PDE4D: variants seen among roughly 807,000 people sequenced by gnomAD.
PDE4D encodes the protein 3',5'-cyclic-AMP phosphodiesterase 4D.
In PDE4D, 24 loss-of-function variants were observed where a neutral mutation model predicts 87.4. That is an observed-to-expected ratio of 0.27 (90% CI 0.20 to 0.39). PDE4D has a LOEUF of 0.39. Among genes scored for constraint, PDE4D ranks in the 10% least tolerant of loss-of-function variants. PDE4D has a pLI of 1.00. For missense variants in PDE4D, 714 were observed against 1,041.0 expected, an observed-to-expected ratio of 0.69 and a Z score of 4.32; for synonymous variants, 384 against 383.2, an observed-to-expected ratio of 1.00 and a Z score of -0.02.
chr5:59,364,815 T>A (rs1342000819), intron 1 of PDE4D, among the ~76,000 whole-genome samples: 1 of 152,140 alleles, frequency 6.6e-6, no homozygotes, highest in Non-Finnish European at 1.5e-5. Context: ...CCTTTTTTTC[T>A]TCCTCCCTCT....
chr5:59,776,861 G>GA lies in PDE4D; in HGVS notation c.455+116306dup, dbSNP rs35590071. Among the ~76,000 whole-genome samples the GA allele has an allele frequency of 7.8e-4, 109 of 139,400 alleles. 1 individual carries two copies. Among genetic ancestry groups the GA allele is most frequent in the South Asian group, 1.8e-3 (8 of 4,364 alleles). The allele number at this position is 139,400 out of a possible 152,430, so 91.5% of individuals were successfully genotyped here. On this transcript the variant is annotated intron_variant, in intron 1 of 14. Coordinates refer to ENST00000340635, the MANE Select transcript of PDE4D (RefSeq NM_001104631.2). ...TGCCTAATTTTAATGAATGTTTCAC[G>GA]AAAAAAAAAAAAGCATTTTGTGATT...
intron 5 of PDE4D, among the ~76,000 whole-genome samples, chr5:59,180,157 T>C (rs1456854058): frequency 6.6e-6 from 1 of 152,200 alleles, no homozygotes; most frequent in Non-Finnish European, 1.5e-5. Context: ...TGGTACAATG[T>C]TGCTTCCTAC....
chr5:59,978,515 C>G lies in PDE4D; in HGVS notation c.272+9973G>C, dbSNP rs183529299. Reference sequence around the variant, plus strand: ...AACTTGAAAGAATGAGGAGTTGTTTCTTGGATGAAGCAAAGAAAATGGTTT... The same window carrying G: ...AACTTGAAAGAATGAGGAGTTGTTTGTTGGATGAAGCAAAGAAAATGGTTT... On this transcript the variant is annotated intron_variant, in intron 3 of 16. Coordinates refer to the PDE4D transcript ENST00000502484. 4.1e-3 allele frequency among the ~76,000 whole-genome samples: 619 copies of G among 152,282 alleles called. 4 individuals carry two copies. The highest frequency in any genetic ancestry group is 0.014 in the African/African-American group (600 of 41,556).
rs1294460587 is a variant in PDE4D, at chr5:59,274,590, AC to A, written c.456-58623del. Among the ~76,000 whole-genome samples, 9 of 152,206 alleles carry A rather than the reference AC, an allele frequency of 5.9e-5. No homozygotes were observed. In the East Asian group the frequency reaches 1.5e-3, roughly 26 times the overall value. On this transcript the variant is annotated intron_variant, in intron 1 of 14. Transcript: ENST00000340635. ...CACTAAGAAAAACAAAATAAGACTA[AC>A]CCCTAAAATAGCCATAAAAGTATTT...
chr5:59,528,159 C>T (rs562745001), intron 1 of PDE4D, among the ~76,000 whole-genome samples: 1 of 152,254 alleles, frequency 6.6e-6, no homozygotes, highest in East Asian at 1.9e-4. Context: ...ATAGTGCATA[C>T]ATGTGTGCCA....
intron 1 of PDE4D, among the ~76,000 whole-genome samples, chr5:59,723,969 CA>C (rs1299133139): frequency 6.6e-6 from 1 of 152,090 alleles, no homozygotes; most frequent in Non-Finnish European, 1.5e-5. Flanking sequence ...CTCCTTCCCT[CA>C]GGTAGCAGAA....
chr5:60,079,894 C>A (rs1773740755), intron 2 of PDE4D, among the ~76,000 whole-genome samples: 1 of 152,150 alleles, frequency 6.6e-6, no homozygotes, highest in African/African-American at 2.4e-5. Flanking sequence ...TTAAAATAGT[C>A]TTTTCTAATT....
At chr5:60,506,535 A>G (rs752517655) in intron 1 of PDE4D, among the ~76,000 whole-genome samples, 34 of 152,220 alleles carry the variant, frequency 2.2e-4, no homozygotes, top group Non-Finnish European at 4.3e-4. Context: ...AGCAAAAATT[A>G]TATTCTGAGC....
intron 1 of PDE4D, among the ~76,000 whole-genome samples, chr5:59,774,819 T>C (rs890835898): frequency 6.6e-5 from 10 of 151,692 alleles, no homozygotes; most frequent in Non-Finnish European, 1.5e-4. Context: ...TCCTGAGTAG[T>C]GAGTAGCTGG....
intron 2 of PDE4D, among the ~76,000 whole-genome samples, chr5:60,052,420 A>G (rs887440727): frequency 2.0e-5 from 3 of 152,224 alleles, no homozygotes; most frequent in Admixed American, 6.5e-5. Context: ...TCACATAAAC[A>G]GAACCAATGA....
chr5:59,106,728 C>T (rs1771646960), intron 5 of PDE4D, among the ~76,000 whole-genome samples: 1 of 152,168 alleles, frequency 6.6e-6, no homozygotes, highest in Non-Finnish European at 1.5e-5. Flanking sequence ...CCATTGCACT[C>T]CAGCCTGGGG....
chr5:59,186,678 C>T (rs1384740453), intron 3 of PDE4D, among the ~76,000 whole-genome samples: 2 of 152,072 alleles, frequency 1.3e-5, no homozygotes, highest in African/African-American at 4.8e-5. Flanking sequence ...GCTGTGTACG[C>T]CTTGGGACAG....
chr5:60,064,166 T>C (rs1262536936), intron 2 of PDE4D, among the ~76,000 whole-genome samples: 2 of 152,126 alleles, frequency 1.3e-5, no homozygotes, highest in Admixed American at 6.6e-5. Flanking sequence ...AATAAATCTA[T>C]TTCCATTTTT....
intron 2 of PDE4D, among the ~76,000 whole-genome samples, chr5:60,098,831 T>A (rs1361782981): frequency 1.3e-5 from 2 of 152,016 alleles, no homozygotes; most frequent in Non-Finnish European, 2.9e-5. Flanking sequence ...GAGAGTGAAC[T>A]CCCTTGTCTT....
intron 2 of PDE4D, among the ~76,000 whole-genome samples, chr5:60,150,799 C>A (rs150489984): frequency 1.2e-3 from 186 of 152,172 alleles, no homozygotes; most frequent in African/African-American, 4.3e-3. Flanking sequence ...GGCCTAACCC[C>A]GAAGGTTTGG....
At chr5:60,281,765 G>T (rs1198065792) in intron 1 of PDE4D, among the ~76,000 whole-genome samples, 1 of 152,060 alleles carries the variant, frequency 6.6e-6, no homozygotes, top group Non-Finnish European at 1.5e-5. Context: ...GAGCATGGTG[G>T]CTCAATCCTG....
intron 5 of PDE4D, among the ~76,000 whole-genome samples, chr5:59,136,141 T>G (rs914096708): frequency 6.6e-6 from 1 of 152,164 alleles, no homozygotes; most frequent in Non-Finnish European, 1.5e-5. Flanking sequence ...AATAAACTCC[T>G]CAAGATAATT....
intron 1 of PDE4D, among the ~76,000 whole-genome samples, chr5:59,362,491 A>G (rs1348168194): frequency 1.4e-5 from 2 of 147,834 alleles, no homozygotes; most frequent in African/African-American, 2.4e-5. Context: ...ACCCTCTAAG[A>G]ACTTTGTTTA....
At chr5:59,495,448 C>T (rs958022940) in intron 1 of PDE4D, among the ~76,000 whole-genome samples, 7 of 152,158 alleles carry the variant, frequency 4.6e-5, no homozygotes, top group Non-Finnish European at 4.4e-5. Flanking sequence ...TGTCTCCATT[C>T]CATTTTCATC....
Sources: allele counts gnomAD v4.1 joint callset (sites outside exome capture counted in the v4.1 genomes callset), GRCh38; gene constraint gnomAD v4.1.1; transcripts MANE v1.5; gene names NCBI Gene and HGNC (gene_info 2026-07-23, HGNC 2026-07-21).